The following ANGPT4 variants were observed in gnomAD, a reference collection of about 807,000 sequenced individuals.
ANGPT4 encodes the protein angiopoietin-4.
ANGPT4 carries 50 observed loss-of-function variants against 53.0 expected under a neutral mutation model. The ratio of observed to expected loss-of-function variants is 0.94; its 90% confidence interval spans 0.75 to 1.20. ANGPT4 has a LOEUF of 1.20. ANGPT4 is among the 50% of genes most tolerant of loss of function. ANGPT4 has a pLI of 0.00. For missense variants in ANGPT4, 648 were observed against 637.1 expected (o/e 1.02, Z -0.18); for synonymous variants, 251 against 259.7 (o/e 0.97, Z 0.32).
In ANGPT4 at chr20:911,124, C is replaced by T. The variant is rs1432716541; in HGVS notation, c.309+4782G>A. On this transcript the variant is annotated intron_variant, in intron 1 of 8. Transcript: ENST00000381922. This position sits in a 1 kb window ranked among gnomAD's most constrained non-coding sequence, Gnocchi z 4.9. ...CTGGGGCAACTGGAACCCTGACTCCCAAACCAGGTCAGTTTGGGAGGGTCT... is the reference window on the plus strand; with the variant it reads ...CTGGGGCAACTGGAACCCTGACTCCTAAACCAGGTCAGTTTGGGAGGGTCT... 6.6e-6 allele frequency among the ~76,000 whole-genome samples: 1 copy of T among 152,162 alleles called. No homozygotes were observed. Among genetic ancestry groups the T allele is most frequent in the African/African-American group, 2.4e-5 (1 of 41,430 alleles).
intron 7 of ANGPT4, 105 bp from the exon 8 acceptor site, chr20:874,519 C>T (rs1245104720): frequency 6.7e-7 from 1 of 1,485,440 alleles, no homozygotes; most frequent in Non-Finnish European, 9.1e-7. Flanking sequence ...TGGGCTTCCC[C>T]TCCAGGTGTT....
At chr20:888,608 C>A (rs1981712409) in intron 2 of ANGPT4, among the ~76,000 whole-genome samples, 169 bp from the exon 3 acceptor site, 3 of 152,200 alleles carry the variant, frequency 2.0e-5, no homozygotes, top group African/African-American at 7.2e-5. Context: ...AAGCTTATTA[C>A]CTGCTTCCTA....
intron 2 of ANGPT4, among the ~76,000 whole-genome samples, chr20:889,119 C>A (rs906647626): frequency 2.0e-5 from 3 of 152,192 alleles, no homozygotes; most frequent in African/African-American, 7.2e-5. Flanking sequence ...CTGGCTGCAG[C>A]CCTACCTTCT....
At position 911,465 on chromosome 20, in the gene ANGPT4, T is replaced by C. The variant is rs543209092; in HGVS notation, c.309+4441A>G. Among the ~76,000 whole-genome samples the C allele has an allele frequency of 6.6e-6, 1 of 150,922 alleles. No homozygotes were observed. The highest frequency in any genetic ancestry group is 1.5e-5 in the Non-Finnish European group (1 of 67,718). ...TCTTCAGTGTGGACACTCGGGGAGG[T>C]AGAGGTGGGAGGGATGGCCTTGGGG... On this transcript the variant is annotated intron_variant, in intron 1 of 8. Coordinates refer to ENST00000381922, the MANE Select transcript of ANGPT4 (RefSeq NM_015985.4). The surrounding 1 kb of genome is among the most constrained non-coding windows in gnomAD (Gnocchi z 4.9).
chr20:914,600 T>A lies in ANGPT4; in HGVS notation c.309+1306A>T, dbSNP rs1982848374. 6.6e-6 allele frequency among the ~76,000 whole-genome samples: 1 copy of A among 151,832 alleles called. No individual in the cohort carries two copies. On this transcript the variant is annotated intron_variant, in intron 1 of 8. Transcript: ENST00000381922. This position sits in a 1 kb window ranked among gnomAD's most constrained non-coding sequence, Gnocchi z 5.0. ...CAGCTATCCTGCCTGGAGCCAGAGGTGGTTGTCAAGCTTGTCTGCTGTTTA... is the reference window on the plus strand; with the variant it reads ...CAGCTATCCTGCCTGGAGCCAGAGGAGGTTGTCAAGCTTGTCTGCTGTTTA...
chr20:901,026 T>C (rs1982264679), intron 1 of ANGPT4, among the ~76,000 whole-genome samples: 1 of 152,176 alleles, frequency 6.6e-6, no homozygotes, highest in Non-Finnish European at 1.5e-5. Context: ...AAAATCTTTC[T>C]TCAGTTTACT....
chr20:887,794 A>T (rs1167702683), intron 3 of ANGPT4, among the ~76,000 whole-genome samples: 1 of 152,166 alleles, frequency 6.6e-6, no homozygotes, highest in Non-Finnish European at 1.5e-5. Context: ...ATTTGCAAAG[A>T]AGTAAAGCCA....
At chr20:886,025 G>C (rs1981607268) in intron 3 of ANGPT4, among the ~76,000 whole-genome samples, 1 of 152,226 alleles carries the variant, frequency 6.6e-6, no homozygotes, top group Admixed American at 6.5e-5. Flanking sequence ...TGAAGATGGA[G>C]AGGAGGAAGA....
Position 914,565 on chromosome 20 carries a change from G to A in ANGPT4, c.309+1341C>T, listed in dbSNP as rs529221100. Among the ~76,000 whole-genome samples, 1 of 152,168 alleles carries A rather than the reference G, an allele frequency of 6.6e-6. No homozygotes were observed. Among genetic ancestry groups the A allele is most frequent in the South Asian group, 2.1e-4 (1 of 4,826 alleles). ...CGAGTGTTAGCAGGGAGCCAGGGGG[G>A]CAGCCAGGACAGCTATCCTGCCTGG... On this transcript the variant is annotated intron_variant, in intron 1 of 8. Coordinates refer to ENST00000381922, the MANE Select transcript of ANGPT4 (RefSeq NM_015985.4). The surrounding 1 kb of genome is among the most constrained non-coding windows in gnomAD (Gnocchi z 5.0).
intron 3 of ANGPT4, 44 bp downstream of exon 3, chr20:888,274 A>G: frequency 6.3e-7 from 1 of 1,586,936 alleles, no homozygotes; most frequent in Non-Finnish European, 8.6e-7. Flanking sequence ...ACTTGACTCC[A>G]GCCCCAGCCC....
At chr20:899,577 C>G (rs550349616) in intron 1 of ANGPT4, among the ~76,000 whole-genome samples, 1 of 152,182 alleles carries the variant, frequency 6.6e-6, no homozygotes, top group East Asian at 1.9e-4. Flanking sequence ...TTTATGCACT[C>G]TTTTTTAATT....
At position 911,752 on chromosome 20, in the gene ANGPT4, C is replaced by T. The variant is rs530042435; in HGVS notation, c.309+4154G>A. Among the ~76,000 whole-genome samples the T allele has an allele frequency of 2.6e-5, 4 of 152,166 alleles. No homozygotes were observed. Among genetic ancestry groups the T allele is most frequent in the Admixed American group, 2.6e-4 (4 of 15,280 alleles). On this transcript the variant is annotated intron_variant, in intron 1 of 8. Coordinates refer to ENST00000381922, the MANE Select transcript of ANGPT4 (RefSeq NM_015985.4). This position sits in a 1 kb window ranked among gnomAD's most constrained non-coding sequence, Gnocchi z 4.9. The stretch of plus-strand genomic sequence containing the variant: ...ATCGCTTGAGCTCAGGAGTTCAAGG[C>T]TGCAGTGAGCTGTGATTGCACCATT...
chr20:897,665 A>G (rs1306703004), intron 1 of ANGPT4, among the ~76,000 whole-genome samples: 1 of 152,154 alleles, frequency 6.6e-6, no homozygotes, highest in African/African-American at 2.4e-5. Context: ...TGTCAATTGC[A>G]GGGACACCTG....
chr20:901,074 G>A (rs1982267202), intron 1 of ANGPT4, among the ~76,000 whole-genome samples: 1 of 152,082 alleles, frequency 6.6e-6, no homozygotes, highest in Admixed American at 6.5e-5. Flanking sequence ...TCCTAATCCT[G>A]CTCGAAGAAG....
chr20:897,846 A>T (rs1195280990), intron 1 of ANGPT4, among the ~76,000 whole-genome samples: 1 of 151,960 alleles, frequency 6.6e-6, no homozygotes, highest in Non-Finnish European at 1.5e-5. Context: ...TTCAACTCAC[A>T]CCTGAACTAA....
Position 894,083 on chromosome 20 carries a change from G to A in ANGPT4, c.310-3715C>T, listed in dbSNP as rs774400207. On this transcript the variant is annotated intron_variant, in intron 1 of 8. Transcript: ENST00000381922. ...CAAAGGGGGTTGCTGTTGCTGGCTCGAATGCCTGGGTTTATATGCCAATCC... is the reference window on the plus strand; with the variant it reads ...CAAAGGGGGTTGCTGTTGCTGGCTCAAATGCCTGGGTTTATATGCCAATCC... Among the ~76,000 whole-genome samples the A allele has an allele frequency of 9.7e-4, 147 of 152,158 alleles. 1 individual carries two copies. Among genetic ancestry groups the A allele is most frequent in the Non-Finnish European group, 2.5e-4 (17 of 68,008 alleles).
In ANGPT4 at chr20:878,229, G is replaced by A; in HGVS notation, c.1152C>T (p.Asp384=). Residue 384 remains aspartate, a synonymous_variant, in exon 7 of 9, where the codon GAC becomes GAT. Transcript: ENST00000381922. The stretch of plus-strand genomic sequence containing the variant: ...GGGCATAGGCCTCGTGGCCTTCCCA[G>A]TCTTGCAGCTCCACACGCAGAGAGT... ...AAYSLRVELQ[D]WEGHEAYAQY... is the part of the protein sequence containing the mutation. 1.2e-6 allele frequency: 2 copies of A among 1,613,022 alleles called. No homozygotes were observed. Among genetic ancestry groups the A allele is most frequent in the Non-Finnish European group, 1.7e-6 (2 of 1,179,074 alleles).
chr20:874,907 A>G (rs1264317157), intron 7 of ANGPT4, among the ~76,000 whole-genome samples: 1 of 152,168 alleles, frequency 6.6e-6, no homozygotes, highest in Non-Finnish European at 1.5e-5. Flanking sequence ...AAATACAAAC[A>G]TAGGGTCTCA....
Position 881,217 on chromosome 20 carries a change from C to G in ANGPT4, c.905G>C (p.Ser302Thr), listed in dbSNP as rs1981391564. 3.1e-6 allele frequency: 5 copies of G among 1,612,338 alleles called. No homozygotes were observed. The highest frequency in any genetic ancestry group is 4.2e-6 in the Non-Finnish European group (5 of 1,179,136). ...GGACACCTGGATGGTGTAGACACCA[C>G]TGGCACTGGCCCCAGAGCGCTGGAT... ...AEIQRSGASA[S>T]GVYTIQVSNA... The change falls in exon 5 of 9, where the codon AGT becomes ACT. Residue 302 changes from serine (S) to threonine (T), a missense_variant. Transcript: ENST00000381922.
Sources: gnomAD v4.1 joint callset for allele counts (sites outside exome capture counted in the v4.1 genomes callset) on GRCh38, gnomAD v4.1.1 for gene constraint, Gnocchi (gnomAD v3.1) non-coding constraint, MANE v1.5 for transcripts, NCBI Gene and HGNC (gene_info 2026-07-23, HGNC 2026-07-21) for gene names.